PTPRD: variants seen among roughly 807,000 people sequenced by gnomAD.
PTPRD encodes receptor-type tyrosine-protein phosphatase delta.
Under a neutral mutation model 214.5 loss-of-function variants are expected in PTPRD, and 34 were observed. The observed-to-expected ratio is 0.16, with a 90% CI of 0.12 to 0.21. The LOEUF (loss-of-function observed/expected upper bound fraction) is 0.21. PTPRD is among the 10% of genes least tolerant of loss of function. The probability of loss-of-function intolerance (pLI) is 1.00; values close to 1 mark genes in which losing one functional copy is unlikely to be tolerated. For missense variants in PTPRD, 2,545 were observed against 2,398.7 expected (o/e 1.06, Z -1.27); for synonymous variants, 1,128 against 845.7 (o/e 1.33, Z -5.79).
intron 36 of PTPRD, among the ~76,000 whole-genome samples, chr9:8,400,650 A>C (rs1013526571): frequency 2.0e-5 from 3 of 152,178 alleles, no homozygotes; most frequent in Non-Finnish European, 4.4e-5. Flanking sequence ...AAGTGTTATG[A>C]GTGATGTGGG....
intron 3 of PTPRD, among the ~76,000 whole-genome samples, chr9:10,166,974 A>G (rs914757397): frequency 1.4e-4 from 22 of 152,124 alleles, no homozygotes; most frequent in African/African-American, 5.3e-4. Flanking sequence ...CCTTTAAAAC[A>G]TTTGAACTAT....
At chr9:10,578,435 A>G (rs1021482289) in intron 2 of PTPRD, among the ~76,000 whole-genome samples, 17 of 152,130 alleles carry the variant, frequency 1.1e-4, no homozygotes, top group African/African-American at 4.1e-4. Flanking sequence ...CAAATTTTTC[A>G]TTCATGTTAT....
chr9:9,810,972 T>A (rs2046956060), intron 5 of PTPRD, among the ~76,000 whole-genome samples: 1 of 151,920 alleles, frequency 6.6e-6, no homozygotes, highest in Non-Finnish European at 1.5e-5. Context: ...GTGCACTCGC[T>A]CACGTCTGTA....
rs1026118784 is a variant in PTPRD, at chr9:8,806,218, G to A, written c.-103-72272C>T. Reference sequence around the variant, plus strand: ...GGGATTACAGGCATGGAGATACTGCGCCTGGCCAGCTTACACTTTTTTTTT... The same window carrying A: ...GGGATTACAGGCATGGAGATACTGCACCTGGCCAGCTTACACTTTTTTTTT... On this transcript the variant is annotated intron_variant, in intron 11 of 45. Coordinates refer to ENST00000381196, the MANE Select transcript of PTPRD (RefSeq NM_002839.4). Among the ~76,000 whole-genome samples the A allele has an allele frequency of 3.4e-5, 5 of 146,444 alleles. No homozygotes were observed. In the South Asian group the frequency reaches 6.9e-4, roughly 20 times the overall value.
At chr9:8,325,878 A>C (rs1186239593) in intron 44 of PTPRD, among the ~76,000 whole-genome samples, 1 of 151,360 alleles carries the variant, frequency 6.6e-6, no homozygotes, top group African/African-American at 2.4e-5. Context: ...TTTGGCTATT[A>C]TTGGTGTATA....
intron 3 of PTPRD, among the ~76,000 whole-genome samples, chr9:10,106,509 T>A (rs1053676431): frequency 3.5e-4 from 53 of 151,518 alleles, no homozygotes; most frequent in African/African-American, 1.3e-3. Context: ...TTTACTGAGC[T>A]GTGAAAGTGA....
At chr9:9,983,654 ACTCT>A (rs1488690107) in intron 4 of PTPRD, among the ~76,000 whole-genome samples, 7 of 152,148 alleles carry the variant, frequency 4.6e-5, no homozygotes, top group African/African-American at 9.7e-5. Flanking sequence ...TGACACTTAC[ACTCT>A]CTCTACTTCA....
intron 3 of PTPRD, among the ~76,000 whole-genome samples, chr9:10,265,342 A>G (rs1359359366): frequency 3.3e-5 from 5 of 152,142 alleles, no homozygotes; most frequent in Non-Finnish European, 5.9e-5. Flanking sequence ...GCCAGTAACA[A>G]CCATCAGACA....
intron 2 of PTPRD, among the ~76,000 whole-genome samples, chr9:10,361,341 T>C (rs1363516737): frequency 1.3e-5 from 2 of 152,136 alleles, no homozygotes; most frequent in Non-Finnish European, 1.5e-5. Context: ...AATAACCCCC[T>C]GGTGTTATCG....
At chr9:8,868,376 T>G (rs1051984388) in intron 11 of PTPRD, among the ~76,000 whole-genome samples, 11 of 152,120 alleles carry the variant, frequency 7.2e-5, no homozygotes, top group African/African-American at 2.4e-4. Flanking sequence ...TTTTTTTTTG[T>G]ATTTTTAGTA....
intron 4 of PTPRD, among the ~76,000 whole-genome samples, chr9:9,970,596 C>A (rs1447417552): frequency 6.6e-6 from 1 of 152,000 alleles, no homozygotes; most frequent in Non-Finnish European, 1.5e-5. Flanking sequence ...GGCAGACAAG[C>A]TAAAAATCTT....
intron 2 of PTPRD, among the ~76,000 whole-genome samples, chr9:10,427,906 T>A (rs539098454): frequency 6.6e-6 from 1 of 152,264 alleles, no homozygotes; most frequent in Admixed American, 6.5e-5. Context: ...GAACACATTT[T>A]AACTTAAGCA....
intron 10 of PTPRD, among the ~76,000 whole-genome samples, chr9:9,037,246 G>C (rs2099624921): frequency 6.6e-6 from 1 of 152,040 alleles, no homozygotes; most frequent in Non-Finnish European, 1.5e-5. Flanking sequence ...CCATTTTATG[G>C]TAGGGAAACT....
chr9:8,479,477 T>C (rs896385008), intron 30 of PTPRD, among the ~76,000 whole-genome samples: 1 of 152,234 alleles, frequency 6.6e-6, no homozygotes, highest in African/African-American at 2.4e-5. Flanking sequence ...CAAAGTTTTA[T>C]ACCTTTTCCC....
chr9:8,638,649 T>C (rs2096500939), intron 12 of PTPRD, among the ~76,000 whole-genome samples: 1 of 152,076 alleles, frequency 6.6e-6, no homozygotes, highest in African/African-American at 2.4e-5. Context: ...AATTACCACC[T>C]CATCAGCAAA....
chr9:9,597,188 A>T (rs1389345848), intron 7 of PTPRD, among the ~76,000 whole-genome samples: 1 of 152,012 alleles, frequency 6.6e-6, no homozygotes, highest in Non-Finnish European at 1.5e-5. Context: ...TCATCCTTAA[A>T]ACAGAAAGTG....
intron 9 of PTPRD, among the ~76,000 whole-genome samples, chr9:9,356,373 C>A (rs896675086): frequency 2.6e-5 from 4 of 151,256 alleles, no homozygotes; most frequent in Non-Finnish European, 5.9e-5. Flanking sequence ...GCAGATTATT[C>A]TTGTTGTATA....
chr9:8,973,608 A>G (rs1228902186), intron 11 of PTPRD, among the ~76,000 whole-genome samples: 1 of 152,098 alleles, frequency 6.6e-6, no homozygotes, highest in African/African-American at 2.4e-5. Context: ...GTTGAATGGT[A>G]GCTCTGTTTT....
intron 5 of PTPRD, among the ~76,000 whole-genome samples, chr9:9,916,090 A>AAC (rs1555329558): frequency 6.7e-6 from 1 of 150,350 alleles, no homozygotes; most frequent in African/African-American, 2.4e-5. Flanking sequence ...TAAAAAAAAA[A>AAC]AAACAAAAAA....
Sources: allele counts gnomAD v4.1 joint callset (sites outside exome capture counted in the v4.1 genomes callset), GRCh38; gene constraint gnomAD v4.1.1; transcripts MANE v1.5; gene names NCBI Gene and HGNC (gene_info 2026-07-23, HGNC 2026-07-21).